The following DUSP22 variants were observed in gnomAD, a reference collection of about 807,000 sequenced individuals.
The protein encoded by DUSP22 is dual specificity phosphatase 22.
A neutral mutation model predicts 24.5 loss-of-function variants in DUSP22; 24 were observed. The ratio of observed to expected loss-of-function variants is 0.98; its 90% CI spans 0.71 to 1.38. The LOEUF (loss-of-function observed/expected upper bound fraction) is 1.38, where lower values mean the gene tolerates loss of function less well. Ranked by LOEUF, DUSP22 falls within the 40% of genes most tolerant of loss-of-function variation. The pLI is 0.00. For synonymous variants in DUSP22, 160 were observed against 106.4 expected, an observed-to-expected ratio of 1.50 and a Z score of -3.10; for missense variants, 330 against 269.2, an observed-to-expected ratio of 1.23 and a Z score of -1.58.
At chr6:344,261 G>T (rs1014917819) in intron 4 of DUSP22, among the ~76,000 whole-genome samples, 1 of 151,076 alleles carries the variant, frequency 6.6e-6, no homozygotes, top group Non-Finnish European at 1.5e-5. Flanking sequence ...ATTAAGGCAC[G>T]CGTCATCATT....
In DUSP22 at chr6:313,853, G is replaced by T. The variant is rs1758218650; in HGVS notation, c.138+1891G>T. 2.0e-5 allele frequency among the ~76,000 whole-genome samples: 3 copies of T among 152,308 alleles called. No homozygotes were observed. The South Asian group carries it at 6.2e-4, about 31-fold the overall frequency. On this transcript the variant is annotated intron_variant, in intron 3 of 6. Transcript: ENST00000419235. ...GCCTCTGATTGCACAGTGGGGAAAAGTGAGGGGCCAAAAGTTATTTGAATT... is the reference window on the plus strand; with the variant it reads ...GCCTCTGATTGCACAGTGGGGAAAATTGAGGGGCCAAAAGTTATTTGAATT...
chr6:330,074 C>A (rs903642474), intron 3 of DUSP22, among the ~76,000 whole-genome samples: 7 of 152,296 alleles, frequency 4.6e-5, no homozygotes, highest in African/African-American at 1.7e-4. Context: ...AAGCAGGGCA[C>A]CCGGCACCTC....
intron 2 of DUSP22, among the ~76,000 whole-genome samples, chr6:309,097 C>T (rs1453017163): frequency 6.6e-6 from 1 of 152,306 alleles, no homozygotes; most frequent in Non-Finnish European, 1.5e-5. Context: ...ACGATTCTAG[C>T]TTCTGCCTAA....
At position 348,891 on chromosome 6, in the gene DUSP22, G is replaced by T. The variant is rs781137701; in HGVS notation, c.558G>T (p.Arg186=). Residue 186 remains arginine, a synonymous_variant, in exon 7 of 7, where the codon CGG becomes CGT. Coordinates refer to ENST00000419235, the MANE Select transcript of DUSP22 (RefSeq NM_001286555.3). ...GRTEPQPGAR[R]WSSFPALAPL... ...CAGAGCCCCAGCCCGGCGCCAGGCG[G>T]TGGAGCAGTTTTCCGGCACTGGCTC... The T allele has an allele frequency of 6.0e-5, 97 of 1,613,956 alleles. No homozygotes were observed. The highest frequency in any genetic ancestry group is 8.0e-5 in the Non-Finnish European group (94 of 1,179,950).
chr6:320,885 G>A (rs1451254907), intron 3 of DUSP22, among the ~76,000 whole-genome samples: 1 of 152,302 alleles, frequency 6.6e-6, no homozygotes, highest in Non-Finnish European at 1.5e-5. Flanking sequence ...TCCAGACTCA[G>A]CAAACATTTA....
chr6:347,422 C>T (rs1169208735), intron 5 of DUSP22, among the ~76,000 whole-genome samples: 10 of 152,300 alleles, frequency 6.6e-5, no homozygotes, highest in African/African-American at 2.4e-4. Flanking sequence ...CTCTCTAAGT[C>T]TGATGAAGCA....
chr6:330,729 CCTT>C (rs1237082626), intron 3 of DUSP22, among the ~76,000 whole-genome samples: 2 of 152,308 alleles, frequency 1.3e-5, no homozygotes, highest in African/African-American at 2.4e-5. Flanking sequence ...CGCTGGAAAA[CCTT>C]CTGAACTTTC....
chr6:345,077 C>G (rs1220985720), intron 4 of DUSP22, among the ~76,000 whole-genome samples: 1 of 152,302 alleles, frequency 6.6e-6, no homozygotes, highest in Non-Finnish European at 1.5e-5. Context: ...TCCAGACAAC[C>G]CACAGCCTTC....
intron 1 of DUSP22, 138 bp downstream of exon 1, chr6:292,698 G>C: frequency 7.8e-7 from 1 of 1,280,818 alleles, no homozygotes; most frequent in Non-Finnish European, 1.0e-6. Flanking sequence ...GGGGCGGCGC[G>C]CCTGGGCGGC....
intron 3 of DUSP22, 97 bp from the exon 4 acceptor site, chr6:335,017 T>A (rs1759300838): frequency 7.3e-7 from 1 of 1,371,298 alleles, no homozygotes; most frequent in African/African-American, 1.5e-5. Flanking sequence ...CTTTTTATTT[T>A]TTTATTTTTT....
At chr6:320,201 C>T (rs55799519) in intron 3 of DUSP22, 13,474 of 148,634 alleles carry the variant, frequency 0.091, 37 homozygotes, top group East Asian at 0.31. Flanking sequence ...GTACCCTGTC[C>T]TTCAGCTGGG....
chr6:300,707 ACCTGCTGTGC>A (rs1757541526), intron 1 of DUSP22, among the ~76,000 whole-genome samples: 2 of 152,300 alleles, frequency 1.3e-5, no homozygotes, highest in Non-Finnish European at 2.9e-5. Flanking sequence ...GCAGGAACAG[ACCTGCTGTGC>A]CTGTGACTTG....
At chr6:319,475 G>A (rs1344006296) in intron 3 of DUSP22, among the ~76,000 whole-genome samples, 1 of 152,306 alleles carries the variant, frequency 6.6e-6, no homozygotes, top group Non-Finnish European at 1.5e-5. Context: ...CCCAAGACAT[G>A]TATTTACTGG....
Position 349,458 on chromosome 6 carries a change from C to G in DUSP22, c.*507C>G. On this transcript the variant is annotated 3_prime_UTR_variant, in exon 7 of 7. Transcript: ENST00000419235. Reference sequence around the variant, plus strand: ...CATGGAAGGCATTTGAGCTCGACCTCCGAAAAGCTACCCAGCAAAGAGCAG... The same window carrying G: ...CATGGAAGGCATTTGAGCTCGACCTGCGAAAAGCTACCCAGCAAAGAGCAG... 1 of 1,007,736 alleles carries G rather than the reference C, an allele frequency of 9.9e-7. No individual in the cohort carries two copies. The highest frequency in any genetic ancestry group is 1.2e-6 in the Non-Finnish European group (1 of 843,910). The allele number at this position is 1,007,736 out of a possible 1,614,324, so 62.4% of individuals were successfully genotyped here. A position where few individuals can be genotyped will look rare whatever the true frequency, so the allele number is the denominator to read the frequency against.
At chr6:299,466 C>A (rs1179176369) in intron 1 of DUSP22, among the ~76,000 whole-genome samples, 1 of 152,306 alleles carries the variant, frequency 6.6e-6, no homozygotes, top group Non-Finnish European at 1.5e-5. Flanking sequence ...TTGAAATATT[C>A]ATGGGCCTTT....
intron 3 of DUSP22, among the ~76,000 whole-genome samples, chr6:314,057 G>A (rs1758226544): frequency 6.6e-6 from 1 of 152,310 alleles, no homozygotes; most frequent in South Asian, 2.1e-4. Flanking sequence ...GGAATTAGCG[G>A]ACGGGTTTGG....
chr6:320,354 AC>A (rs1342915418), intron 3 of DUSP22: 3 of 152,820 alleles, frequency 2.0e-5, no homozygotes, highest in African/African-American at 7.2e-5. Context: ...TTGAGCAGTC[AC>A]CTGGCACAGG....
At chr6:348,037 T>A in intron 5 of DUSP22, 66 bp from the exon 6 acceptor site, 3 of 1,597,496 alleles carry the variant, frequency 1.9e-6, no homozygotes, top group Non-Finnish European at 2.6e-6. Context: ...CCGCTCCACA[T>A]GGATTGGGCG....
chr6:332,461 G>T (rs1047967712), intron 3 of DUSP22, among the ~76,000 whole-genome samples: 12 of 152,422 alleles, frequency 7.9e-5, no homozygotes, highest in African/African-American at 2.9e-4. Flanking sequence ...ACCTGACAAG[G>T]TGCTCCTGCC....
Sources: gnomAD v4.1 joint callset for allele counts (sites outside exome capture counted in the v4.1 genomes callset) on GRCh38, gnomAD v4.1.1 for gene constraint, MANE v1.5 for transcripts, NCBI Gene and HGNC (gene_info 2026-07-23, HGNC 2026-07-21) for gene names.